NUFIP2: variants seen among roughly 807,000 people sequenced by gnomAD.
NUFIP2 encodes nuclear FMR1 interacting protein 2.
NUFIP2 carries 6 observed loss-of-function variants against 56.9 expected under a neutral mutation model. The ratio of observed to expected loss-of-function variants is 0.11; its 90% CI spans 0.06 to 0.21. NUFIP2 has a LOEUF of 0.21. Ranked by LOEUF, NUFIP2 falls within the 10% of genes least tolerant of loss-of-function variation. The pLI is 1.00. For synonymous variants in NUFIP2, 321 were observed against 298.2 expected (o/e 1.08, Z -0.79); for missense variants, 828 against 826.8 (o/e 1.00, Z -0.02).
chr17:29,281,655 C>T (rs1021909396), intron 2 of NUFIP2, among the ~76,000 whole-genome samples: 2 of 147,916 alleles, frequency 1.4e-5, no homozygotes, highest in African/African-American at 5.0e-5. Context: ...TGCCACTGCA[C>T]TCCAGCCTGG....
intron 1 of NUFIP2, among the ~76,000 whole-genome samples, chr17:29,293,096 T>C (rs1213284722): frequency 1.3e-5 from 2 of 150,280 alleles, no homozygotes; most frequent in African/African-American, 2.4e-5. Flanking sequence ...GGAGAGAACA[T>C]TCCAGCCGCG....
intron 3 of NUFIP2, among the ~76,000 whole-genome samples, chr17:29,265,379 T>C (rs1338218193): frequency 1.4e-5 from 2 of 146,522 alleles, no homozygotes; most frequent in Non-Finnish European, 3.0e-5. Flanking sequence ...CTCGGCTCAC[T>C]GCAAGCTCCG....
At chr17:29,289,201 G>A (rs1486422416) in intron 1 of NUFIP2, among the ~76,000 whole-genome samples, 1 of 152,170 alleles carries the variant, frequency 6.6e-6, no homozygotes, top group East Asian at 1.9e-4. Context: ...TCTATTATAG[G>A]TGATTCAAAT....
At chr17:29,268,575 T>C (rs191462011) in intron 2 of NUFIP2, among the ~76,000 whole-genome samples, 2 of 152,284 alleles carry the variant, frequency 1.3e-5, no homozygotes, top group African/African-American at 4.8e-5. Context: ...TGGAGCGCAA[T>C]GGCACGATCT....
At chr17:29,269,241 CTTAACTA>C (rs1359570661) in intron 2 of NUFIP2, among the ~76,000 whole-genome samples, 15 of 152,096 alleles carry the variant, frequency 9.9e-5, no homozygotes, top group Non-Finnish European at 1.5e-4. Context: ...TTTAACCCTG[CTTAACTA>C]TTATGTGTAA....
In NUFIP2 at chr17:29,293,827, T is replaced by C. The variant is rs763341432; in HGVS notation, c.233A>G (p.Lys78Arg). The C allele has an allele frequency of 1.4e-5, 23 of 1,608,078 alleles. No individual in the cohort carries two copies. The highest frequency in any genetic ancestry group is 2.0e-5 in the Non-Finnish European group (23 of 1,175,726). Residue 78 changes from lysine to arginine, a missense_variant, in exon 1 of 4, where the codon AAA (lysine) becomes AGA (arginine). Lys to Arg is a conservative substitution (Grantham distance 26, BLOSUM62 2). Transcript: ENST00000225388. ...TTCCTGGTGCTGCTGGAGGGTGTGT[T>C]TCTGCTCATGTTTCAGCGGCTTTGG... ...AQPKPLKHEQ[K>R]HTLQQHQETP...
chr17:29,272,604 A>G (rs1411943169), intron 2 of NUFIP2, among the ~76,000 whole-genome samples: 1 of 152,208 alleles, frequency 6.6e-6, no homozygotes, highest in Non-Finnish European at 1.5e-5. Flanking sequence ...TAGTATAAAG[A>G]AGGCTAAGGA....
At chr17:29,288,667 TAAGA>T (rs568637986) in intron 1 of NUFIP2, among the ~76,000 whole-genome samples, 106 of 152,314 alleles carry the variant, frequency 7.0e-4, no homozygotes, top group African/African-American at 2.3e-3. Context: ...AAAAAGACTT[TAAGA>T]GAGATGAAGT....
intron 2 of NUFIP2, among the ~76,000 whole-genome samples, chr17:29,278,714 A>AT (rs1458219774): frequency 6.6e-6 from 1 of 152,128 alleles, no homozygotes; most frequent in African/African-American, 2.4e-5. Context: ...ATAGATGGTT[A>AT]TTTCCCTCAC....
intron 1 of NUFIP2, among the ~76,000 whole-genome samples, chr17:29,290,564 G>T (rs996131334): frequency 6.6e-6 from 1 of 150,752 alleles, no homozygotes; most frequent in African/African-American, 2.4e-5. Context: ...CAGGAGATTC[G>T]CTTGAATCCA....
rs200482757 is a variant in NUFIP2, at chr17:29,286,476, C to T, written c.1518G>A (p.Gln506=). ...QQNLGDIFQN[Q]WGLSFINEPS... is the part of the protein sequence containing the mutation. ...GCTCATTTATAAATGATAAACCCCA[C>T]TGATTCTGGAAGATATCCCCCAGGT... Residue 506 remains glutamine (Q), a synonymous_variant, in exon 2 of 4, where the codon CAG becomes CAA. Transcript: ENST00000225388. 158 of 1,614,084 alleles carry T rather than the reference C, an allele frequency of 9.8e-5. No individual in the cohort carries two copies. The highest frequency in any genetic ancestry group is 8.3e-5 in the Admixed American group (5 of 60,000).
chr17:29,281,689 T>TAA lies in NUFIP2; in HGVS notation c.2002+4301_2002+4302dup, dbSNP rs58675184. ...GGGTGACAATGAGATCCTGTCTCTT[T>TAA]AAAAAAAAAAAAAAAAAAAACAGCT... On this transcript the variant is annotated intron_variant, in intron 2 of 3. Coordinates refer to ENST00000225388, the MANE Select transcript of NUFIP2 (RefSeq NM_020772.3). Among the ~76,000 whole-genome samples, 335 of 110,486 alleles carry TAA rather than the reference T, an allele frequency of 3.0e-3. 2 individuals are homozygous for TAA. The highest frequency in any genetic ancestry group is 0.011 in the African/African-American group (306 of 28,806). 72.5% of individuals were successfully genotyped at this position (110,486 alleles called of 152,430 possible). A position where few individuals can be genotyped will look rare whatever the true frequency, so the allele number is the denominator to read the frequency against.
Position 29,261,146 on chromosome 17 carries a change from A to C in NUFIP2, c.*3393T>G, listed in dbSNP as rs750938988. The C allele has an allele frequency of 2.0e-5, 3 of 152,120 alleles. No individual in the cohort carries two copies. Among genetic ancestry groups the C allele is most frequent in the Non-Finnish European group, 4.4e-5 (3 of 67,996 alleles). The allele number at this position is 152,120 out of a possible 1,614,324, so 9.4% of individuals were successfully genotyped here. On this transcript the variant is annotated 3_prime_UTR_variant, in exon 4 of 4. Coordinates refer to ENST00000225388, the MANE Select transcript of NUFIP2 (RefSeq NM_020772.3). ...GGTATGTGACACAGAAGCCTACAAT[A>C]ATCAAAACAGATTTAAAAAGAAATC...
chr17:29,265,919 G>GT (rs1040616078), intron 3 of NUFIP2, among the ~76,000 whole-genome samples: 1 of 152,090 alleles, frequency 6.6e-6, no homozygotes, highest in African/African-American at 2.4e-5. Flanking sequence ...ATTCCTAAGA[G>GT]TTAACGGCCA....
At chr17:29,278,989 T>C (rs1323321668) in intron 2 of NUFIP2, among the ~76,000 whole-genome samples, 4 of 152,166 alleles carry the variant, frequency 2.6e-5, no homozygotes, top group Non-Finnish European at 4.4e-5. Context: ...CATAAACAAG[T>C]ACCCTTTCCA....
intron 2 of NUFIP2, among the ~76,000 whole-genome samples, chr17:29,270,344 TGAC>T (rs779620161): frequency 2.1e-5 from 3 of 139,768 alleles, no homozygotes; most frequent in African/African-American, 5.6e-5. Flanking sequence ...AAAAAAAAGA[TGAC>T]GATCGGAAAT....
chr17:29,269,367 C>T (rs2069057913), intron 2 of NUFIP2, among the ~76,000 whole-genome samples: 1 of 152,046 alleles, frequency 6.6e-6, no homozygotes, highest in African/African-American at 2.4e-5. Context: ...ATAATCCCTC[C>T]GTAGGACAAA....
rs574723759 is a variant in NUFIP2, at chr17:29,268,772, G to A, written c.2003-1242C>T. ...TTGAACTCCCAACCTCAAGTGATCC[G>A]CCCACCTCAGCCCCCCAAAGTGCTG... On this transcript the variant is annotated intron_variant, in intron 2 of 3. Transcript: ENST00000225388. Among the ~76,000 whole-genome samples the A allele has an allele frequency of 2.6e-5, 4 of 151,632 alleles. No individual in the cohort carries two copies. The East Asian group carries it at 5.8e-4, about 22-fold the overall frequency.
chr17:29,275,269 C>T (rs2069100696), intron 2 of NUFIP2, among the ~76,000 whole-genome samples: 1 of 152,156 alleles, frequency 6.6e-6, no homozygotes, highest in Admixed American at 6.5e-5. Context: ...GGTGATCCAC[C>T]TGCCTCGGCC....
Sources: allele counts gnomAD v4.1 joint callset (sites outside exome capture counted in the v4.1 genomes callset), GRCh38; gene constraint gnomAD v4.1.1; transcripts MANE v1.5; gene names NCBI Gene and HGNC (gene_info 2026-07-23, HGNC 2026-07-21).